Variants in CADM2 observed in about 807,000 individuals in gnomAD.
CADM2 encodes the protein cell adhesion molecule 2.
CADM2 carries 12 observed loss-of-function variants against 49.8 expected under a neutral mutation model. That is an observed-to-expected ratio of 0.24 (90% CI 0.15 to 0.39). The LOEUF (loss-of-function observed/expected upper bound fraction) is 0.39. Ranked by LOEUF, CADM2 falls within the 10% of genes least tolerant of loss-of-function variation. CADM2 has a pLI of 1.00. For synonymous variants in CADM2, 214 were observed against 175.4 expected, an observed-to-expected ratio of 1.22 and a Z score of -1.74; for missense variants, 378 against 492.3, an observed-to-expected ratio of 0.77 and a Z score of 2.20.
At chr3:85,845,348 T>C (rs372190806) in intron 3 of CADM2, among the ~76,000 whole-genome samples, 4 of 152,192 alleles carry the variant, frequency 2.6e-5, no homozygotes, top group Admixed American at 6.5e-5. Context: ...AGGAGTCAGA[T>C]GACCAACTCA....
chr3:85,345,179 G>A (rs1347677801), intron 1 of CADM2, among the ~76,000 whole-genome samples: 1 of 151,586 alleles, frequency 6.6e-6, no homozygotes, highest in Non-Finnish European at 1.5e-5. Context: ...GCTGAGCATG[G>A]TGTGTGCACC....
At chr3:85,946,597 G>T (rs1296819057) in intron 7 of CADM2, among the ~76,000 whole-genome samples, 2 of 151,776 alleles carry the variant, frequency 1.3e-5, no homozygotes, top group Non-Finnish European at 2.9e-5. Flanking sequence ...CCAAAACAGA[G>T]ATATAGACCA....
intron 1 of CADM2, among the ~76,000 whole-genome samples, chr3:85,317,155 G>A (rs2044488132): frequency 6.6e-6 from 1 of 152,082 alleles, no homozygotes; most frequent in East Asian, 1.9e-4. Context: ...GGGTGGTGGT[G>A]AGGGTGACAA....
At chr3:85,437,476 T>G (rs578101160) in intron 1 of CADM2, among the ~76,000 whole-genome samples, 1 of 152,236 alleles carries the variant, frequency 6.6e-6, no homozygotes, top group African/African-American at 2.4e-5. Context: ...CAGCATTGAA[T>G]GAGTGTTCCT....
chr3:85,357,918 T>A (rs1480383090), intron 1 of CADM2, among the ~76,000 whole-genome samples: 1 of 152,050 alleles, frequency 6.6e-6, no homozygotes, highest in Non-Finnish European at 1.5e-5. Flanking sequence ...AGCTGTATCA[T>A]CAAATGGAGG....
intron 1 of CADM2, among the ~76,000 whole-genome samples, chr3:85,470,135 A>C (rs1468048459): frequency 6.6e-6 from 1 of 152,232 alleles, no homozygotes; most frequent in African/African-American, 2.4e-5. Context: ...TTTGGATTGC[A>C]GAATCTCAGA....
In CADM2 at chr3:85,334,811, A is replaced by G. The variant is rs74398415; in HGVS notation, c.61+375143A>G. 2.6e-5 allele frequency among the ~76,000 whole-genome samples: 4 copies of G among 151,692 alleles called. No homozygotes were observed. In the East Asian group the frequency reaches 7.7e-4, roughly 29 times the overall value. ...AATATTGAGGCTAAATTAAAAATAA[A>G]GCATGAAGAAGCTATTAGAGGCTGT... On this transcript the variant is annotated intron_variant, in intron 1 of 9. Transcript: ENST00000383699.
chr3:85,917,016 GTT>G (rs922043636), intron 6 of CADM2, among the ~76,000 whole-genome samples: 1 of 150,398 alleles, frequency 6.6e-6, no homozygotes, highest in Non-Finnish European at 1.5e-5. Flanking sequence ...TTTTGATGGG[GTT>G]TTTTTTTATT....
chr3:85,694,318 CT>C (rs1222566991), intron 1 of CADM2, among the ~76,000 whole-genome samples: 1 of 152,112 alleles, frequency 6.6e-6, no homozygotes, highest in Non-Finnish European at 1.5e-5. Context: ...GGATGGGAGC[CT>C]AATGGAATAG....
chr3:85,340,969 C>T (rs996236230), intron 1 of CADM2, among the ~76,000 whole-genome samples: 6 of 151,616 alleles, frequency 4.0e-5, no homozygotes, highest in Non-Finnish European at 7.4e-5. Flanking sequence ...AAAGGTTAAG[C>T]ATTTTATTAG....
intron 1 of CADM2, among the ~76,000 whole-genome samples, chr3:85,293,072 T>A (rs563102051): frequency 6.6e-6 from 1 of 151,642 alleles, no homozygotes; most frequent in South Asian, 2.1e-4. Context: ...GAGAGAAGAA[T>A]CAAATAGACA....
At chr3:85,943,419 G>A (rs976018066) in intron 7 of CADM2, among the ~76,000 whole-genome samples, 10 of 146,658 alleles carry the variant, frequency 6.8e-5, no homozygotes, top group Non-Finnish European at 1.0e-4. Context: ...CCATGCCTAT[G>A]TCCTGAATGG....
chr3:85,749,547 G>C, intron 2 of CADM2, among the ~76,000 whole-genome samples: 1 of 151,756 alleles, frequency 6.6e-6, no homozygotes, highest in South Asian at 2.1e-4. Flanking sequence ...TACAACCCGG[G>C]ATATATCTGT....
At chr3:85,273,807 AT>A (rs2106856827) in intron 1 of CADM2, among the ~76,000 whole-genome samples, 2 of 150,706 alleles carry the variant, frequency 1.3e-5, no homozygotes, top group South Asian at 4.1e-4. Flanking sequence ...TTTATGAGTC[AT>A]TTTCACATCT....
chr3:85,864,833 T>G (rs1007408344), intron 3 of CADM2, among the ~76,000 whole-genome samples: 2 of 152,252 alleles, frequency 1.3e-5, no homozygotes, highest in African/African-American at 4.8e-5. Context: ...CAATTTTCTT[T>G]GAATATTCCT....
intron 8 of CADM2, among the ~76,000 whole-genome samples, chr3:86,025,721 C>A (rs1169518749): frequency 6.6e-6 from 1 of 152,058 alleles, no homozygotes; most frequent in African/African-American, 2.4e-5. Context: ...TTAAATGTAA[C>A]AAATATGACT....
At chr3:85,621,201 G>C (rs2063966339) in intron 1 of CADM2, among the ~76,000 whole-genome samples, 1 of 151,866 alleles carries the variant, frequency 6.6e-6, no homozygotes, top group South Asian at 2.1e-4. Context: ...TTTTCCAGAT[G>C]ATCAGAAACT....
intron 5 of CADM2, among the ~76,000 whole-genome samples, chr3:85,897,109 A>T (rs1715316722): frequency 6.6e-6 from 1 of 152,130 alleles, no homozygotes; most frequent in African/African-American, 2.4e-5. Context: ...GTAAATTTAG[A>T]AAATGACTCT....
At chr3:85,960,310 T>C (rs1724657928) in intron 7 of CADM2, among the ~76,000 whole-genome samples, 1 of 151,988 alleles carries the variant, frequency 6.6e-6, no homozygotes, top group African/African-American at 2.4e-5. Context: ...TCTGTTCTAA[T>C]TGTGTTCACA....
Sources: gnomAD v4.1 joint callset for allele counts (sites outside exome capture counted in the v4.1 genomes callset) on GRCh38, gnomAD v4.1.1 for gene constraint, MANE v1.5 for transcripts, NCBI Gene and HGNC (gene_info 2026-07-23, HGNC 2026-07-21) for gene names.